Variants in PPIG observed in about 807,000 individuals in gnomAD.
PPIG encodes the protein peptidyl-prolyl cis-trans isomerase G.
In PPIG, 26 loss-of-function variants were observed where a neutral mutation model predicts 87.9. The observed-to-expected ratio is 0.30, with a 90% CI of 0.22 to 0.41. PPIG has a LOEUF of 0.41. Among genes scored for constraint, PPIG ranks in the 10% least tolerant of loss-of-function variants. PPIG has a pLI of 1.00. For missense variants in PPIG, 722 were observed against 879.4 expected (o/e 0.82, Z 2.26); for synonymous variants, 308 against 276.5 (o/e 1.11, Z -1.13).
chr2:169,586,934 T>C (rs1684720043), intron 1 of PPIG, among the ~76,000 whole-genome samples: 1 of 152,094 alleles, frequency 6.6e-6, no homozygotes, highest in Admixed American at 6.6e-5. Context: ...CTTTTTGCTT[T>C]TATTTATTTA....
chr2:169,584,767 A>G (rs1684651701), intron 1 of PPIG: 14 of 309,408 alleles, frequency 4.5e-5, no homozygotes, highest in South Asian at 3.6e-4. Context: ...CTCCCCACTC[A>G]GGCGCACACC....
intron 1 of PPIG, among the ~76,000 whole-genome samples, chr2:169,596,312 C>T (rs112512341): frequency 6.8e-6 from 1 of 146,682 alleles, no homozygotes; most frequent in East Asian, 2.0e-4. Flanking sequence ...ATCATGTTGG[C>T]CAGGCTGGTC....
At chr2:169,608,801 G>C (rs1458640342) in intron 7 of PPIG, 43 bp downstream of exon 7, 1 of 1,427,288 alleles carries the variant, frequency 7.0e-7, no homozygotes, top group Non-Finnish European at 9.8e-7. Flanking sequence ...CCCATTTTTG[G>C]GCCGGGCACG....
chr2:169,621,819 C>T (rs763767336), intron 9 of PPIG, among the ~76,000 whole-genome samples: 15 of 151,224 alleles, frequency 9.9e-5, no homozygotes, highest in East Asian at 5.8e-4. Flanking sequence ...TGGCCAGGCA[C>T]GGTGGCTGAC....
chr2:169,600,981 C>T (rs1488925844), intron 1 of PPIG, among the ~76,000 whole-genome samples: 1 of 152,166 alleles, frequency 6.6e-6, no homozygotes, highest in Non-Finnish European at 1.5e-5. Context: ...TTCCTAGACT[C>T]AGTCCCTTTT....
At position 169,637,545 on chromosome 2, in the gene PPIG, C is replaced by A; in HGVS notation, c.*22C>A. ...ATGAGTGAGTTATATAAACTTACTT[C>A]CATTCTGTTTCGGATTTTAAGTTTG... On this transcript the variant is annotated 3_prime_UTR_variant, in exon 14 of 14. Coordinates refer to ENST00000260970, the MANE Select transcript of PPIG (RefSeq NM_004792.3). The A allele has an allele frequency of 6.6e-7, 1 of 1,511,406 alleles. No homozygotes were observed. Among genetic ancestry groups the A allele is most frequent in the South Asian group, 1.4e-5 (1 of 71,972 alleles). 93.6% of individuals were successfully genotyped at this position (1,511,406 alleles called of 1,614,324 possible). A position where few individuals can be genotyped will look rare whatever the true frequency, so the allele number is the denominator to read the frequency against.
At chr2:169,601,981 A>G (rs1685196818) in intron 1 of PPIG, among the ~76,000 whole-genome samples, 1 of 152,174 alleles carries the variant, frequency 6.6e-6, no homozygotes, top group Non-Finnish European at 1.5e-5. Context: ...CAAGTTGAAC[A>G]TCACTAATCT....
intron 1 of PPIG, among the ~76,000 whole-genome samples, chr2:169,593,297 T>A (rs907317592): frequency 3.3e-5 from 5 of 152,040 alleles, no homozygotes; most frequent in Non-Finnish European, 7.4e-5. Context: ...TGGGCTCAAG[T>A]GATTCTCCTG....
chr2:169,601,658 G>A (rs1401208418), intron 1 of PPIG, among the ~76,000 whole-genome samples: 1 of 152,146 alleles, frequency 6.6e-6, no homozygotes, highest in Non-Finnish European at 1.5e-5. Context: ...AGGCTGTTGG[G>A]TGGCAGGGGG....
chr2:169,589,830 C>T (rs1171161844), intron 1 of PPIG, among the ~76,000 whole-genome samples: 7 of 152,100 alleles, frequency 4.6e-5, no homozygotes, highest in Admixed American at 3.9e-4. Context: ...GCTAGCAGTC[C>T]GGGTGCAGTG....
intron 7 of PPIG, among the ~76,000 whole-genome samples, chr2:169,611,961 C>T (rs531421722): frequency 1.1e-3 from 170 of 152,114 alleles, no homozygotes; most frequent in African/African-American, 4.0e-3. Context: ...ACAATTCAGT[C>T]TTGTTTATAG....
rs1406437017 is a variant in PPIG, at chr2:169,636,235, T to G, written c.1154+7T>G. The G allele has an allele frequency of 1.3e-6, 2 of 1,583,474 alleles. No individual in the cohort carries two copies. The highest frequency in any genetic ancestry group is 2.7e-5 in the African/African-American group (2 of 73,308). On this transcript the variant is annotated splice_region_variant and intron_variant, in intron 13 of 13. Transcript: ENST00000260970. ...GATGGATCAAGGGGGATAAGTAAGA[T>G]TTAACTATTATTATTTCAAATGTAA...
intron 12 of PPIG, chr2:169,633,652 C>G (rs1686114213): frequency 4.7e-6 from 1 of 214,450 alleles, no homozygotes; most frequent in Non-Finnish European, 8.9e-6. Flanking sequence ...CTTGGCTATA[C>G]TTTCCTGTCT....
In PPIG at chr2:169,637,064, A is replaced by G; in HGVS notation, c.1806A>G (p.Gly602=). The G allele has an allele frequency of 6.2e-7, 1 of 1,613,628 alleles. No homozygotes were observed. Among genetic ancestry groups the G allele is most frequent in the Non-Finnish European group, 8.5e-7 (1 of 1,179,862 alleles). The stretch of plus-strand genomic sequence containing the variant: ...GAGAACAGGAATACAGGAGAAGAGG[A>G]CGGTCACGAAGCCGAGAGAGAAGAA... ...RYREQEYRRR[G]RSRSRERRTP... Residue 602 remains glycine (G), a synonymous_variant, in exon 14 of 14, where the codon GGA becomes GGG. Coordinates refer to ENST00000260970, the MANE Select transcript of PPIG (RefSeq NM_004792.3).
chr2:169,633,112 CA>C, intron 11 of PPIG, 47 bp from the exon 12 acceptor site: 2 of 1,407,472 alleles, frequency 1.4e-6, no homozygotes, highest in Non-Finnish European at 1.0e-6. Flanking sequence ...GTCTGGCCAA[CA>C]AAAGTTTTTA....
chr2:169,602,969 T>C (rs1685225332), intron 1 of PPIG, among the ~76,000 whole-genome samples: 1 of 152,114 alleles, frequency 6.6e-6, no homozygotes, highest in Non-Finnish European at 1.5e-5. Flanking sequence ...CCTAATGGTT[T>C]GGATAATGAG....
chr2:169,637,794 C>G lies in PPIG; in HGVS notation c.*271C>G. On this transcript the variant is annotated 3_prime_UTR_variant, in exon 14 of 14. Transcript: ENST00000260970. ...GTTTAACTATTTTATGTATGCATTA[C>G]TGTGTTGCAACAATTAGCCAATAGC... The G allele has an allele frequency of 4.0e-6, 1 of 249,784 alleles. No homozygotes were observed. The highest frequency in any genetic ancestry group is 7.6e-6 in the Non-Finnish European group (1 of 132,256). 15.5% of individuals were successfully genotyped at this position (249,784 alleles called of 1,614,324 possible).
At chr2:169,603,204 A>C (rs1385255850) in intron 1 of PPIG, among the ~76,000 whole-genome samples, 1 of 152,192 alleles carries the variant, frequency 6.6e-6, no homozygotes, top group African/African-American at 2.4e-5. Flanking sequence ...CATTTTGGAT[A>C]CTATTTACAC....
In PPIG at chr2:169,636,948, G is replaced by A; in HGVS notation, c.1690G>A (p.Glu564Lys). ...ACACAGTTATAATAGCAGAACAAGAGAACGAAGCAGAAGTAGGGACAGAAG... is the reference window on the plus strand; with the variant it reads ...ACACAGTTATAATAGCAGAACAAGAAAACGAAGCAGAAGTAGGGACAGAAG... Reference protein sequence around the residue: ...GKHSYNSRTRERSRSRDRSRR... With the variant: ...GKHSYNSRTRKRSRSRDRSRR... The change falls in exon 14 of 14, where the codon GAA becomes AAA. Residue 564 changes from glutamate to lysine, a missense_variant. Glu to Lys is a moderately conservative substitution (Grantham distance 56). Transcript: ENST00000260970. The A allele has an allele frequency of 3.1e-6, 5 of 1,613,968 alleles. No individual in the cohort carries two copies. Among genetic ancestry groups the A allele is most frequent in the Non-Finnish European group, 4.2e-6 (5 of 1,179,962 alleles).
Sources: gnomAD v4.1 joint callset for allele counts (sites outside exome capture counted in the v4.1 genomes callset) on GRCh38, gnomAD v4.1.1 for gene constraint, MANE v1.5 for transcripts, NCBI Gene and HGNC (gene_info 2026-07-23, HGNC 2026-07-21) for gene names.